TBC1D19: variants seen among roughly 807,000 people sequenced by gnomAD.
TBC1D19 encodes TBC1 domain family, member 19.
Under a neutral mutation model 89.0 loss-of-function variants are expected in TBC1D19, and 60 were observed. The observed-to-expected ratio is 0.67, with a 90% CI of 0.55 to 0.84. The LOEUF is 0.84. Among genes scored for constraint, TBC1D19 ranks in the 40% least tolerant of loss-of-function variants. The pLI, the probability that TBC1D19 is intolerant of heterozygous loss-of-function variation, is 0.00. For synonymous variants in TBC1D19, 189 were observed against 199.7 expected (o/e 0.95, Z 0.45); for missense variants, 500 against 610.8 (o/e 0.82, Z 1.91).
intron 11 of TBC1D19, among the ~76,000 whole-genome samples, chr4:26,678,438 G>A (rs1187564421): frequency 1.3e-5 from 2 of 152,156 alleles, no homozygotes; most frequent in South Asian, 2.1e-4. Context: ...AAAGGGGAAA[G>A]AGCGAGGTAT....
chr4:26,750,889 G>A (rs1285604091), intron 19 of TBC1D19, among the ~76,000 whole-genome samples: 1 of 152,086 alleles, frequency 6.6e-6, no homozygotes, highest in Non-Finnish European at 1.5e-5. Flanking sequence ...TGATCAAGTG[G>A]GTTACTATGT....
At chr4:26,754,638 A>G (rs938524884) in intron 20 of TBC1D19, among the ~76,000 whole-genome samples, 1 of 152,188 alleles carries the variant, frequency 6.6e-6, no homozygotes, top group Non-Finnish European at 1.5e-5. Flanking sequence ...TACCTTGTAT[A>G]TTTGAAGAAG....
intron 3 of TBC1D19, among the ~76,000 whole-genome samples, chr4:26,619,181 GTC>G (rs1741876101): frequency 6.6e-6 from 1 of 151,412 alleles, no homozygotes. Context: ...CATCAGTAAA[GTC>G]TCTCAAATTT....
chr4:26,710,301 G>A (rs1379702950), intron 13 of TBC1D19, among the ~76,000 whole-genome samples: 1 of 150,936 alleles, frequency 6.6e-6, no homozygotes, highest in South Asian at 2.1e-4. Flanking sequence ...TTGTCCTTGT[G>A]ATAGTTTGCT....
intron 3 of TBC1D19, among the ~76,000 whole-genome samples, chr4:26,616,215 A>G (rs1009639053): frequency 6.6e-6 from 1 of 152,176 alleles, no homozygotes; most frequent in Non-Finnish European, 1.5e-5. Flanking sequence ...TATGAGAGCA[A>G]AATTAGTCTT....
chr4:26,641,781 T>C (rs1483318494), intron 7 of TBC1D19, among the ~76,000 whole-genome samples: 5 of 152,160 alleles, frequency 3.3e-5, no homozygotes, highest in African/African-American at 9.7e-5. Context: ...ATGTGATGCA[T>C]GTACAAGCTT....
chr4:26,609,706 G>C (rs1741241490), intron 1 of TBC1D19, among the ~76,000 whole-genome samples: 1 of 152,144 alleles, frequency 6.6e-6, no homozygotes, highest in Non-Finnish European at 1.5e-5. Context: ...AAAAAATGTA[G>C]ACTTCTTGTG....
the TBC1D19 span, among the ~76,000 whole-genome samples, chr4:26,855,969 C>T: frequency 6.6e-6 from 1 of 152,144 alleles, no homozygotes; most frequent in Non-Finnish European, 1.5e-5. Flanking sequence ...CTGACTTAAC[C>T]TTTTTTGTAG....
the TBC1D19 span, among the ~76,000 whole-genome samples, chr4:26,792,490 T>G: frequency 6.6e-6 from 1 of 152,124 alleles, no homozygotes; most frequent in Admixed American, 6.5e-5. Flanking sequence ...TAAAGGAATC[T>G]GATGAAACAG....
At chr4:26,830,859 C>T in the TBC1D19 span, among the ~76,000 whole-genome samples, 7 of 152,182 alleles carry the variant, frequency 4.6e-5, no homozygotes, top group South Asian at 4.1e-4. Flanking sequence ...GGACTGAACA[C>T]GCTAGCCTCA....
intron 11 of TBC1D19, among the ~76,000 whole-genome samples, chr4:26,681,233 C>G (rs1045213605): frequency 6.6e-6 from 1 of 151,656 alleles, no homozygotes; most frequent in Non-Finnish European, 1.5e-5. Context: ...AATTTGTGGC[C>G]CAGTTTAAGA....
chr4:26,842,535 T>TTCAC, the TBC1D19 span, among the ~76,000 whole-genome samples: 1 of 125,628 alleles, frequency 8.0e-6, no homozygotes, highest in African/African-American at 3.2e-5. Flanking sequence ...CTTCCCTTCC[T>TTCAC]TCCCTCCCTC....
At chr4:26,689,889 T>C (rs1433434984) in intron 13 of TBC1D19, among the ~76,000 whole-genome samples, 1 of 152,200 alleles carries the variant, frequency 6.6e-6, no homozygotes, top group Non-Finnish European at 1.5e-5. Flanking sequence ...TACATGTCTC[T>C]GGCTTTAAAT....
chr4:26,855,368 CTT>C, the TBC1D19 span, among the ~76,000 whole-genome samples: 35 of 152,272 alleles, frequency 2.3e-4, 2 homozygotes, highest in South Asian at 6.2e-4. Flanking sequence ...AAAACGAGCT[CTT>C]GTTTTTCATA....
At chr4:26,662,252 A>G (rs1407803510) in intron 8 of TBC1D19, among the ~76,000 whole-genome samples, 1 of 152,180 alleles carries the variant, frequency 6.6e-6, no homozygotes, top group Non-Finnish European at 1.5e-5. Context: ...GAACGATAAG[A>G]TATTACTCAA....
chr4:26,816,950 A>T, the TBC1D19 span, among the ~76,000 whole-genome samples: 1 of 152,194 alleles, frequency 6.6e-6, no homozygotes, highest in Non-Finnish European at 1.5e-5. Context: ...ACTCTCTGAG[A>T]CAAAACCGCT....
chr4:26,629,351 G>A (rs1360845664), intron 4 of TBC1D19, among the ~76,000 whole-genome samples: 1 of 152,000 alleles, frequency 6.6e-6, no homozygotes, highest in Non-Finnish European at 1.5e-5. Flanking sequence ...CCACAGGAGA[G>A]GCCCCCTATA....
At chr4:26,665,103 G>A (rs1161557680) in intron 8 of TBC1D19, among the ~76,000 whole-genome samples, 1 of 152,080 alleles carries the variant, frequency 6.6e-6, no homozygotes, top group Non-Finnish European at 1.5e-5. Context: ...GGGTGCCTTC[G>A]ATGTCATTAA....
At chr4:26,662,642 A>AT (rs1745286654) in intron 8 of TBC1D19, among the ~76,000 whole-genome samples, 2 of 152,146 alleles carry the variant, frequency 1.3e-5, no homozygotes. Flanking sequence ...GAAAACTGAA[A>AT]TTTTTTTATA....
Sources: gnomAD v4.1 joint callset for allele counts (sites outside exome capture counted in the v4.1 genomes callset) on GRCh38, gnomAD v4.1.1 for gene constraint, MANE v1.5 for transcripts, NCBI Gene and HGNC (gene_info 2026-07-23, HGNC 2026-07-21) for gene names.